Variants in MYO6 observed in about 807,000 individuals in gnomAD.
MYO6 encodes unconventional myosin-VI.
Under a neutral mutation model 178.7 loss-of-function variants are expected in MYO6, and 74 were observed. That is an observed-to-expected ratio of 0.41 (90% CI 0.34 to 0.50). MYO6 has a LOEUF of 0.50. Among genes scored for constraint, MYO6 ranks in the 20% least tolerant of loss-of-function variants. The pLI is 0.09. For synonymous variants in MYO6, 477 were observed against 504.6 expected (o/e 0.95, Z 0.73); for missense variants, 1,330 against 1,547.4 (o/e 0.86, Z 2.36).
intron 1 of MYO6, among the ~76,000 whole-genome samples, chr6:75,796,710 C>T (rs1182216981): frequency 6.6e-6 from 1 of 151,412 alleles, no homozygotes; most frequent in Non-Finnish European, 1.5e-5. Context: ...TCAAGCAGTC[C>T]TCTTGCCTTG....
intron 1 of MYO6, among the ~76,000 whole-genome samples, chr6:75,802,019 G>T (rs1283017316): frequency 2.0e-5 from 3 of 151,906 alleles, no homozygotes; most frequent in Admixed American, 6.6e-5. Context: ...AATTAAGAAA[G>T]AATAATATAT....
At chr6:75,762,597 C>T (rs770072804) in intron 1 of MYO6, among the ~76,000 whole-genome samples, 4 of 152,106 alleles carry the variant, frequency 2.6e-5, no homozygotes, top group Non-Finnish European at 5.9e-5. Flanking sequence ...GCATCTATGC[C>T]CCACTCTCAA....
intron 1 of MYO6, among the ~76,000 whole-genome samples, chr6:75,816,181 C>T (rs369272111): frequency 7.9e-5 from 12 of 152,242 alleles, no homozygotes; most frequent in Middle Eastern, 3.4e-3. Flanking sequence ...TGGACTAGTA[C>T]GCACTACAAG....
chr6:75,857,306 A>C lies in MYO6; in HGVS notation c.1381+52A>C, dbSNP rs774421642. On this transcript the variant is annotated intron_variant, in intron 13 of 34. Coordinates refer to ENST00000369977, the MANE Select transcript of MYO6 (RefSeq NM_004999.4). ...ATATTTGTTTCATATTTTTTCACACATTAGAATTTGTTCTTAAATCTTTTC... is the reference window on the plus strand; with the variant it reads ...ATATTTGTTTCATATTTTTTCACACCTTAGAATTTGTTCTTAAATCTTTTC... The C allele has an allele frequency of 2.6e-6, 4 of 1,554,572 alleles. No individual in the cohort carries two copies. The Admixed American group carries it at 6.7e-5, about 26-fold the overall frequency.
At chr6:75,908,475 T>C (rs1185758907) in intron 31 of MYO6, 21 bp from the exon 32 acceptor site, 1 of 1,611,360 alleles carries the variant, frequency 6.2e-7, no homozygotes, top group East Asian at 2.2e-5. Context: ...ATTTTTTTTT[T>C]TTGCTCAATG....
At chr6:75,803,939 G>A (rs1403145463) in intron 1 of MYO6, among the ~76,000 whole-genome samples, 1 of 152,090 alleles carries the variant, frequency 6.6e-6, no homozygotes, top group Non-Finnish European at 1.5e-5. Context: ...TGTCACCCAG[G>A]CTGGAGTACA....
intron 22 of MYO6, among the ~76,000 whole-genome samples, chr6:75,881,336 G>A (rs1778004621): frequency 6.6e-6 from 1 of 152,074 alleles, no homozygotes; most frequent in Admixed American, 6.6e-5. Flanking sequence ...CTGAGAATGT[G>A]GGTGAGCCAA....
chr6:75,895,205 T>G (rs767887872), intron 28 of MYO6, 26 bp from the exon 29 acceptor site: 2 of 1,574,980 alleles, frequency 1.3e-6, no homozygotes, highest in South Asian at 2.2e-5. Flanking sequence ...GGTTACGATA[T>G]TAACTAAAAT....
In MYO6 at chr6:75,907,627, A is replaced by G; in HGVS notation, c.3199A>G (p.Lys1067Glu). The G allele has an allele frequency of 6.2e-7, 1 of 1,613,656 alleles. No individual in the cohort carries two copies. The highest frequency in any genetic ancestry group is 1.1e-5 in the South Asian group (1 of 91,076). ...CAGAGGTCCTGCTGTACTAGCCACC[A>G]AAGCAGCTGCTGGTACTAAGAAATA... ...LSRGPAVLAT[K>E]AAAGTKKYDL... The change falls in exon 31 of 35, where the codon AAA becomes GAA. Residue 1067 changes from lysine (K) to glutamate (E), a missense_variant. By Grantham distance (56) the Lys-to-Glu change is moderately conservative (BLOSUM62 1). Around this residue, in one of 3 missense-constraint regions of MYO6, gnomAD observed 601 missense variants for 626.1 expected, o/e 0.96. Coordinates refer to ENST00000369977, the MANE Select transcript of MYO6 (RefSeq NM_004999.4).
chr6:75,864,218 C>T (rs1041953451), intron 16 of MYO6, among the ~76,000 whole-genome samples: 1 of 152,148 alleles, frequency 6.6e-6, no homozygotes, highest in Admixed American at 6.6e-5. Flanking sequence ...ATGATTATTG[C>T]TTTGATGAAT....
intron 13 of MYO6, 22 bp from the exon 14 acceptor site, chr6:75,858,880 G>T (rs1303539421): frequency 2.1e-6 from 3 of 1,422,136 alleles, no homozygotes; most frequent in South Asian, 1.2e-5. Flanking sequence ...AATGACTCTT[G>T]GTTCTGGTTT....
intron 33 of MYO6, among the ~76,000 whole-genome samples, chr6:75,912,828 T>G (rs147610986): frequency 6.6e-6 from 1 of 152,254 alleles, no homozygotes; most frequent in East Asian, 1.9e-4. Flanking sequence ...TGTTAATATG[T>G]GATGCAGCTT....
intron 1 of MYO6, among the ~76,000 whole-genome samples, chr6:75,810,165 G>A (rs1166748435): frequency 6.6e-6 from 1 of 151,668 alleles, no homozygotes; most frequent in African/African-American, 2.4e-5. Flanking sequence ...GCTACAGAGA[G>A]AATGATGGTA....
chr6:75,837,673 T>C (rs776028082), intron 7 of MYO6, among the ~76,000 whole-genome samples: 1 of 152,226 alleles, frequency 6.6e-6, no homozygotes, highest in Non-Finnish European at 1.5e-5. Flanking sequence ...AATACAACTC[T>C]AATAAACATT....
At chr6:75,881,853 A>ATTGTTTCAAGATGG in intron 23 of MYO6, 35 bp downstream of exon 23, 1 of 1,610,480 alleles carries the variant, frequency 6.2e-7, no homozygotes. Context: ...AGGATCTTTC[A>ATTGTTTCAAGATGG]TTGTTTCAAG....
At chr6:75,806,192 C>T (rs1770067554) in intron 1 of MYO6, among the ~76,000 whole-genome samples, 1 of 151,832 alleles carries the variant, frequency 6.6e-6, no homozygotes, top group Non-Finnish European at 1.5e-5. Flanking sequence ...TAATTTAAGC[C>T]TGGGCAACAT....
Position 75,841,368 on chromosome 6 carries a change from A to G in MYO6, c.806A>G (p.Asp269Gly), listed in dbSNP as rs1774208778. Residue 269 changes from aspartate to glycine, a missense_variant, in exon 9 of 35, where the codon GAT (aspartate) becomes GGT (glycine). This residue lies in a region of MYO6 where 613 missense variants were observed against 816.8 expected (regional missense o/e 0.75). Transcript: ENST00000369977. ...GAAAAACTTCATTTGAGTTCACCAG[A>G]TAATTTTCGGGTAGGTCAGAAGAAA... is the stretch of plus-strand genomic sequence containing the variant. The part of the protein sequence containing the change: ...IREKLHLSSP[D>G]NFRYLNRGCT... 2 of 1,613,560 alleles carry G rather than the reference A, an allele frequency of 1.2e-6. No individual in the cohort carries two copies. The highest frequency in any genetic ancestry group is 1.7e-5 in the Admixed American group (1 of 59,996).
chr6:75,892,640 T>G lies in MYO6; in HGVS notation c.3057T>G (p.Ser1019Arg), dbSNP rs372968228. ...DRELALRIAQ[S>R]EAELISDEAQ... Reference sequence around the variant, plus strand: ...AGCTGGCCCTGAGGATTGCCCAGAGTGAAGCCGAGCTCATCAGTGATGAGG... The same window carrying G: ...AGCTGGCCCTGAGGATTGCCCAGAGGGAAGCCGAGCTCATCAGTGATGAGG... The change falls in exon 28 of 35, where the codon AGT (serine) becomes AGG (arginine). Residue 1019 changes from serine to arginine, a missense_variant. By Grantham distance (110) the Ser-to-Arg change is moderately radical. Coordinates refer to ENST00000369977, the MANE Select transcript of MYO6 (RefSeq NM_004999.4). 9.3e-6 allele frequency: 15 copies of G among 1,612,872 alleles called. No homozygotes were observed. In the East Asian group the frequency reaches 1.8e-4, roughly 19 times the overall value.
At chr6:75,874,998 G>T (rs541439016) in intron 20 of MYO6, among the ~76,000 whole-genome samples, 6 of 152,156 alleles carry the variant, frequency 3.9e-5, no homozygotes, top group African/African-American at 1.4e-4. Context: ...CTGACATGGC[G>T]TATGCCCCTG....
Sources: allele counts gnomAD v4.1 joint callset (sites outside exome capture counted in the v4.1 genomes callset), GRCh38; gene constraint gnomAD v4.1.1; regional missense constraint gnomAD v4.1.1; transcripts MANE v1.5; gene names NCBI Gene and HGNC (gene_info 2026-07-23, HGNC 2026-07-21).